AGAP1: variants seen among roughly 807,000 people sequenced by gnomAD.
The protein encoded by AGAP1 is arf-GAP with GTPase, ANK repeat and PH domain-containing protein 1.
AGAP1 carries 29 observed loss-of-function variants against 105.3 expected under a neutral mutation model. The observed-to-expected ratio is 0.28, with a 90% confidence interval of 0.21 to 0.38. AGAP1 has a LOEUF of 0.38. AGAP1 is among the 10% of genes least tolerant of loss of function. The pLI, the probability that AGAP1 is intolerant of heterozygous loss-of-function variation, is 1.00. For missense variants in AGAP1, 998 were observed against 1,165.1 expected (o/e 0.86, Z 2.09); for synonymous variants, 509 against 485.9 (o/e 1.05, Z -0.63).
intron 6 of AGAP1, among the ~76,000 whole-genome samples, chr2:235,762,810 T>C (rs1441469388): frequency 6.6e-6 from 1 of 151,516 alleles, no homozygotes; most frequent in Non-Finnish European, 1.5e-5. Context: ...GAGGCAGAGG[T>C]TGTGGTGAGC....
In AGAP1 at chr2:236,061,676, C is replaced by A. The variant is rs573838204; in HGVS notation, c.2114+12395C>A. 6.6e-6 allele frequency among the ~76,000 whole-genome samples: 1 copy of A among 152,160 alleles called. No homozygotes were observed. Among genetic ancestry groups the A allele is most frequent in the South Asian group, 2.1e-4 (1 of 4,808 alleles). Reference sequence around the variant, plus strand: ...CCTCCATAGTAATGCAAAGTAGATTCCTGCTTGCCAGGTGCAGGGGAGGGA... The same window carrying A: ...CCTCCATAGTAATGCAAAGTAGATTACTGCTTGCCAGGTGCAGGGGAGGGA... On this transcript the variant is annotated intron_variant, in intron 16 of 17. Coordinates refer to ENST00000304032, the MANE Select transcript of AGAP1 (RefSeq NM_001037131.3). This position sits in a 1 kb window ranked among gnomAD's most constrained non-coding sequence, Gnocchi z 4.1.
In AGAP1 at chr2:235,753,876, A is replaced by G. The variant is rs1259319392; in HGVS notation, c.673+3388A>G. ...ATTTTATATCATAGTTATATGGTAT[A>G]TGGTTTCTTATTTGTATATGTATTT... On this transcript the variant is annotated intron_variant, in intron 6 of 17. Coordinates refer to ENST00000304032, the MANE Select transcript of AGAP1 (RefSeq NM_001037131.3). The surrounding 1 kb of genome is among the most constrained non-coding windows in gnomAD (Gnocchi z 4.5). Among the ~76,000 whole-genome samples, 2 of 152,206 alleles carry G rather than the reference A, an allele frequency of 1.3e-5. No homozygotes were observed. Among genetic ancestry groups the G allele is most frequent in the Non-Finnish European group, 2.9e-5 (2 of 68,038 alleles).
intron 16 of AGAP1, among the ~76,000 whole-genome samples, chr2:236,071,916 A>G (rs1213793632): frequency 6.6e-6 from 1 of 152,136 alleles, no homozygotes; most frequent in Non-Finnish European, 1.5e-5. Flanking sequence ...TTAAAAACCA[A>G]TCCAGATCTT....
intron 1 of AGAP1, among the ~76,000 whole-genome samples, chr2:235,618,809 C>T (rs930727145): frequency 1.3e-5 from 2 of 152,146 alleles, no homozygotes; most frequent in African/African-American, 4.8e-5. Flanking sequence ...AAAGATGTCC[C>T]AAGTCCTAAT....
chr2:235,783,334 A>G (rs1198577807), intron 6 of AGAP1: 3 of 471,224 alleles, frequency 6.4e-6, no homozygotes, highest in South Asian at 4.6e-5. Context: ...ATAAATTTAG[A>G]TGTATGCTTA....
chr2:235,906,992 G>C lies in AGAP1; in HGVS notation c.1156-1746G>C, dbSNP rs1250445052. On this transcript the variant is annotated intron_variant, in intron 10 of 17. Coordinates refer to ENST00000304032, the MANE Select transcript of AGAP1 (RefSeq NM_001037131.3). The surrounding 1 kb of genome is among the most constrained non-coding windows in gnomAD (Gnocchi z 5.3). Reference sequence around the variant, plus strand: ...GTTCATGCCACTCCACTCCAGCCTGGGCAACAGAGTGAGACTCTTGTCTCA... The same window carrying C: ...GTTCATGCCACTCCACTCCAGCCTGCGCAACAGAGTGAGACTCTTGTCTCA... Among the ~76,000 whole-genome samples, 1 of 152,076 alleles carries C rather than the reference G, an allele frequency of 6.6e-6. No homozygotes were observed. Among genetic ancestry groups the C allele is most frequent in the African/African-American group, 2.4e-5 (1 of 41,408 alleles).
At chr2:235,606,322 C>G (rs987243768) in intron 1 of AGAP1, among the ~76,000 whole-genome samples, 1 of 152,206 alleles carries the variant, frequency 6.6e-6, no homozygotes, top group Non-Finnish European at 1.5e-5. Context: ...GATCATGTAT[C>G]TGTTTTTAAG....
chr2:235,864,066 A>G lies in AGAP1; in HGVS notation c.1051-19279A>G, dbSNP rs767177040. On this transcript the variant is annotated intron_variant, in intron 9 of 17. Coordinates refer to ENST00000304032, the MANE Select transcript of AGAP1 (RefSeq NM_001037131.3). The surrounding 1 kb of genome is among the most constrained non-coding windows in gnomAD (Gnocchi z 5.0). ...GCCTGGTGTGCTCGGTTTTGACTCT[A>G]TAGATCTGACTTGAATGCGCAAGCG... Among the ~76,000 whole-genome samples the G allele has an allele frequency of 1.7e-4, 26 of 152,240 alleles. No individual in the cohort carries two copies. Among genetic ancestry groups the G allele is most frequent in the African/African-American group, 6.0e-4 (25 of 41,468 alleles).
chr2:235,980,949 A>G (rs1487978877), intron 13 of AGAP1, among the ~76,000 whole-genome samples: 1 of 152,214 alleles, frequency 6.6e-6, no homozygotes, highest in Non-Finnish European at 1.5e-5. Context: ...TACTATGTAG[A>G]AGTGAAAACT....
rs2054354321 is a variant in AGAP1, at chr2:235,965,542, G to A, written c.1484-2920G>A. Among the ~76,000 whole-genome samples the A allele has an allele frequency of 6.6e-6, 1 of 152,172 alleles. No individual in the cohort carries two copies. The highest frequency in any genetic ancestry group is 2.1e-4 in the South Asian group (1 of 4,824). On this transcript the variant is annotated intron_variant, in intron 12 of 17. Coordinates refer to ENST00000304032, the MANE Select transcript of AGAP1 (RefSeq NM_001037131.3). This position sits in a 1 kb window ranked among gnomAD's most constrained non-coding sequence, Gnocchi z 5.8. ...GAGAGGTCTGCAGCGGTTTTGAGCAGACCTGACCGAGCTCTGTGACTTCAG... is the reference window on the plus strand; with the variant it reads ...GAGAGGTCTGCAGCGGTTTTGAGCAAACCTGACCGAGCTCTGTGACTTCAG...
chr2:235,619,764 G>C (rs947832654), intron 1 of AGAP1, among the ~76,000 whole-genome samples: 1 of 152,324 alleles, frequency 6.6e-6, no homozygotes, highest in Non-Finnish European at 1.5e-5. Context: ...TTCGGCGCCC[G>C]AATTGCTGCA....
chr2:236,014,392 A>G lies in AGAP1; in HGVS notation c.1646-22169A>G, dbSNP rs2056621304. Among the ~76,000 whole-genome samples the G allele has an allele frequency of 6.6e-6, 1 of 152,180 alleles. No individual in the cohort carries two copies. The highest frequency in any genetic ancestry group is 1.5e-5 in the Non-Finnish European group (1 of 68,030). On this transcript the variant is annotated intron_variant, in intron 13 of 17. Transcript: ENST00000304032. The surrounding 1 kb of genome is among the most constrained non-coding windows in gnomAD (Gnocchi z 6.3). ...CATAACCAGGGTCTCTTGATTTGAC[A>G]TGCTCCTAATATTTGGCCGAATCAA...
chr2:235,494,651 CG>C lies in AGAP1; in HGVS notation c.-30del. The stretch of plus-strand genomic sequence containing the variant: ...GCCCCGGGGCGCGGGGCGGCGGCGG[CG>C]GGGGGCGCGCGGCTCCGGGCGCGGC... On this transcript the variant is annotated 5_prime_UTR_variant, in exon 1 of 18. Transcript: ENST00000304032. The C allele has an allele frequency of 6.7e-6, 7 of 1,040,840 alleles. No individual in the cohort carries two copies. Among genetic ancestry groups the C allele is most frequent in the Non-Finnish European group, 7.0e-6 (6 of 855,842 alleles). The allele number at this position is 1,040,840 out of a possible 1,614,324, so 64.5% of individuals were successfully genotyped here.
rs1402339398 is a variant in AGAP1, at chr2:236,131,008, AGT to A, written c.*6890_*6891del. 1.3e-5 allele frequency: 2 copies of A among 152,264 alleles called. No homozygotes were observed. The highest frequency in any genetic ancestry group is 2.9e-5 in the Non-Finnish European group (2 of 68,112). 9.4% of individuals were successfully genotyped at this position (152,264 alleles called of 1,614,324 possible). A position where few individuals can be genotyped will look rare whatever the true frequency, so the allele number is the denominator to read the frequency against. On this transcript the variant is annotated 3_prime_UTR_variant, in exon 18 of 18. Transcript: ENST00000304032. The surrounding 1 kb of genome is among the most constrained non-coding windows in gnomAD (Gnocchi z 5.9). ...GGGGCAGTTGCATGGTGGGTGGCAA[AGT>A]GTGCATTTAGAAGCTGCTTCGTGGC...
chr2:235,946,272 A>C (rs2053496355), intron 12 of AGAP1, among the ~76,000 whole-genome samples: 1 of 145,800 alleles, frequency 6.9e-6, no homozygotes, highest in South Asian at 2.2e-4. Flanking sequence ...GGATCATAAT[A>C]GGCTTTTTTT....
At position 235,822,158 on chromosome 2, in the gene AGAP1, G is replaced by A. The variant is rs115606315; in HGVS notation, c.1050+14827G>A. Among the ~76,000 whole-genome samples, 1,170 of 152,346 alleles carry A rather than the reference G, an allele frequency of 7.7e-3. 7 individuals carry two copies. The highest frequency in any genetic ancestry group is 0.026 in the African/African-American group (1,101 of 41,580). ...GTCTTCGGGGAGATACTTTGAGGCT[G>A]TGCTGATCATTTTTAGTGATAGACG... On this transcript the variant is annotated intron_variant, in intron 9 of 17. Transcript: ENST00000304032.
chr2:236,065,039 A>G (rs936461323), intron 16 of AGAP1, among the ~76,000 whole-genome samples: 10 of 152,312 alleles, frequency 6.6e-5, no homozygotes, highest in African/African-American at 1.2e-4. Flanking sequence ...TGGCCAGGCA[A>G]AGGCTCCATG....
At chr2:235,527,761 C>A (rs1310537588) in intron 1 of AGAP1, among the ~76,000 whole-genome samples, 1 of 152,194 alleles carries the variant, frequency 6.6e-6, no homozygotes, top group Non-Finnish European at 1.5e-5. Context: ...AAAATGCCCA[C>A]AGCCTAGCAT....
At chr2:235,630,734 G>T (rs933367624) in intron 1 of AGAP1, among the ~76,000 whole-genome samples, 1 of 152,150 alleles carries the variant, frequency 6.6e-6, no homozygotes, top group African/African-American at 2.4e-5. Flanking sequence ...CCCTCGGCTC[G>T]CCACTGGCTT....
Sources: allele counts gnomAD v4.1 joint callset (sites outside exome capture counted in the v4.1 genomes callset), GRCh38; gene constraint gnomAD v4.1.1; non-coding constraint Gnocchi (gnomAD v3.1); transcripts MANE v1.5; gene names NCBI Gene and HGNC (gene_info 2026-07-23, HGNC 2026-07-21).